The following PXDNL variants were observed in gnomAD, a reference collection of about 807,000 sequenced individuals.
PXDNL encodes peroxidasin like.
A neutral mutation model predicts 150.8 loss-of-function variants in PXDNL; 145 were observed. The ratio of observed to expected loss-of-function variants is 0.96; its 90% confidence interval spans 0.84 to 1.10. The LOEUF (loss-of-function observed/expected upper bound fraction) is 1.10, where lower values mean the gene tolerates loss of function less well. PXDNL is among the 50% of genes least tolerant of loss of function. PXDNL has a pLI of 0.00. For synonymous variants in PXDNL, 757 were observed against 725.7 expected (o/e 1.04, Z -0.69); for missense variants, 2,087 against 1,873.9 (o/e 1.11, Z -2.10).
intron 21 of PXDNL, among the ~76,000 whole-genome samples, chr8:51,331,996 C>T (rs930983309): frequency 6.6e-6 from 1 of 152,092 alleles, no homozygotes; most frequent in African/African-American, 2.4e-5. Context: ...TTCTGCAGAG[C>T]ACCACCTCCT....
chr8:51,660,132 C>T (rs1453126989), intron 1 of PXDNL, among the ~76,000 whole-genome samples: 4 of 152,106 alleles, frequency 2.6e-5, no homozygotes, highest in South Asian at 2.1e-4. Flanking sequence ...TCAGGTGATC[C>T]GCCCACCTAG....
chr8:51,418,593 A>G (rs978505547), intron 14 of PXDNL, among the ~76,000 whole-genome samples: 2 of 152,200 alleles, frequency 1.3e-5, no homozygotes, highest in Non-Finnish European at 2.9e-5. Flanking sequence ...AGAACTCACA[A>G]GAACTGAACA....
chr8:51,788,018 T>C (rs1264616742), intron 1 of PXDNL, among the ~76,000 whole-genome samples: 1 of 152,242 alleles, frequency 6.6e-6, no homozygotes, highest in African/African-American at 2.4e-5. Context: ...ATCATCAGCA[T>C]GTTTTAGCAA....
chr8:51,621,460 G>C (rs906290899), intron 2 of PXDNL, among the ~76,000 whole-genome samples: 24 of 150,074 alleles, frequency 1.6e-4, no homozygotes, highest in African/African-American at 4.9e-4. Flanking sequence ...GTGTGTGTGT[G>C]TGTGTGTGTG....
At chr8:51,673,110 A>T (rs993991143) in intron 1 of PXDNL, among the ~76,000 whole-genome samples, 1 of 152,216 alleles carries the variant, frequency 6.6e-6, no homozygotes, top group African/African-American at 2.4e-5. Context: ...TAGAAATTCC[A>T]AGTTTTACAC....
chr8:51,404,973 G>A (rs1189168795), intron 17 of PXDNL, among the ~76,000 whole-genome samples: 1 of 152,196 alleles, frequency 6.6e-6, no homozygotes, highest in East Asian at 1.9e-4. Context: ...CTGCCCCGCA[G>A]GGAGGCAGCT....
At chr8:51,544,692 A>G (rs923358797) in intron 4 of PXDNL, among the ~76,000 whole-genome samples, 1 of 152,160 alleles carries the variant, frequency 6.6e-6, no homozygotes, top group African/African-American at 2.4e-5. Flanking sequence ...CCTACTTTTT[A>G]GGGTCAAAGG....
chr8:51,588,562 G>A (rs966440357), intron 3 of PXDNL, among the ~76,000 whole-genome samples: 1 of 152,190 alleles, frequency 6.6e-6, no homozygotes, highest in Non-Finnish European at 1.5e-5. Flanking sequence ...CCAAGCCTCT[G>A]CAACATTGAA....
At chr8:51,697,208 G>A (rs1294397412) in intron 1 of PXDNL, among the ~76,000 whole-genome samples, 1 of 147,350 alleles carries the variant, frequency 6.8e-6, no homozygotes, top group East Asian at 2.2e-4. Context: ...GGAGGCTGAG[G>A]TAGGAGAATC....
At chr8:51,412,316 T>A (rs912905827) in intron 15 of PXDNL, among the ~76,000 whole-genome samples, 1 of 152,196 alleles carries the variant, frequency 6.6e-6, no homozygotes, top group Non-Finnish European at 1.5e-5. Flanking sequence ...TATTATCTTA[T>A]TTTTTCTTCC....
rs367946233 is a variant in PXDNL, at chr8:51,591,014, G to A, written c.308+1613C>T. Among the ~76,000 whole-genome samples, 8 of 152,304 alleles carry A rather than the reference G, an allele frequency of 5.3e-5. No individual in the cohort carries two copies. The South Asian group carries it at 1.7e-3, about 32-fold the overall frequency. ...ATTGTCACTGTGATGGTATTAAGAG[G>A]AGGGACTATTAAGAAGTGATTAGGT... On this transcript the variant is annotated intron_variant, in intron 3 of 22. Transcript: ENST00000356297.
chr8:51,467,437 G>A (rs1810227413), intron 8 of PXDNL, among the ~76,000 whole-genome samples: 1 of 152,070 alleles, frequency 6.6e-6, no homozygotes, highest in Admixed American at 6.6e-5. Context: ...TGGACATAAA[G>A]ATGGGAATAT....
At chr8:51,519,198 A>G (rs2130375795) in intron 4 of PXDNL, among the ~76,000 whole-genome samples, 1 of 152,350 alleles carries the variant, frequency 6.6e-6, no homozygotes. Context: ...TTGGATATGT[A>G]GAACAAAACT....
rs752743810 is a variant in PXDNL, at chr8:51,376,560, A to ATC, written c.3558-1831_3558-1830dup. Reference sequence around the variant, plus strand: ...TGTTACATAGCTTTATTTGAAATACATCTCTCTCTCTCTCTTAATTCCTAT... The same window carrying ATC: ...TGTTACATAGCTTTATTTGAAATACATCTCTCTCTCTCTCTCTTAATTCCTAT... On this transcript the variant is annotated intron_variant, in intron 17 of 22. Coordinates refer to ENST00000356297, the MANE Select transcript of PXDNL (RefSeq NM_144651.5). Among the ~76,000 whole-genome samples the ATC allele has an allele frequency of 2.4e-4, 37 of 151,602 alleles. No individual in the cohort carries two copies. In the East Asian group the frequency reaches 4.3e-3, roughly 17 times the overall value.
chr8:51,446,995 A>C lies in PXDNL; in HGVS notation c.1525+9T>G, dbSNP rs1401970544. 2.5e-6 allele frequency: 4 copies of C among 1,613,592 alleles called. No individual in the cohort carries two copies. The highest frequency in any genetic ancestry group is 2.2e-5 in the East Asian group (1 of 44,872). The stretch of plus-strand genomic sequence containing the variant: ...TCAGAATGTGAATATGAATCACAGT[A>C]TATATTACCTTTGGGTTTTACAGTC... On this transcript the variant is annotated intron_variant, in intron 12 of 22. Coordinates refer to ENST00000356297, the MANE Select transcript of PXDNL (RefSeq NM_144651.5).
intron 2 of PXDNL, among the ~76,000 whole-genome samples, chr8:51,641,026 C>G (rs372207321): frequency 6.6e-6 from 1 of 152,056 alleles, no homozygotes; most frequent in Non-Finnish European, 1.5e-5. Context: ...AATGGAACAG[C>G]ACAGAGCCCT....
intron 1 of PXDNL, 41 bp from the exon 2 acceptor site, chr8:51,654,801 A>T (rs17277222): frequency 0.11 from 161,203 of 1,468,930 alleles, 9,375 homozygotes; most frequent in Non-Finnish European, 0.12. Context: ...TAATATGTTG[A>T]CTGCATTCTG....
At chr8:51,789,472 A>G (rs539020074) in intron 1 of PXDNL, among the ~76,000 whole-genome samples, 5 of 152,244 alleles carry the variant, frequency 3.3e-5, no homozygotes. Context: ...TCTTGGATAT[A>G]GTCTTCATTA....
intron 4 of PXDNL, among the ~76,000 whole-genome samples, chr8:51,510,266 A>T (rs903894197): frequency 3.9e-5 from 6 of 152,068 alleles, no homozygotes; most frequent in Admixed American, 2.0e-4. Flanking sequence ...ACCTTTATTG[A>T]CCCATCGAGA....
Sources: gnomAD v4.1 joint callset for allele counts (sites outside exome capture counted in the v4.1 genomes callset) on GRCh38, gnomAD v4.1.1 for gene constraint, MANE v1.5 for transcripts, NCBI Gene and HGNC (gene_info 2026-07-23, HGNC 2026-07-21) for gene names.